The following METTL15 variants were observed in gnomAD, a reference collection of about 807,000 sequenced individuals.
The protein encoded by METTL15 is methyltransferase 15, mitochondrial 12S rRNA N4-cytidine.
A neutral mutation model predicts 38.3 loss-of-function variants in METTL15; 34 were observed. The observed-to-expected ratio is 0.89, with a 90% CI of 0.68 to 1.18. METTL15 has a LOEUF of 1.18. Ranked by LOEUF, METTL15 falls within the 50% of genes most tolerant of loss-of-function variation. The pLI, the probability that METTL15 is intolerant of heterozygous loss-of-function variation, is 0.00. For missense variants in METTL15, 438 were observed against 498.4 expected, an observed-to-expected ratio of 0.88 and a Z score of 1.15; for synonymous variants, 162 against 170.9, an observed-to-expected ratio of 0.95 and a Z score of 0.41.
chr11:28,415,098 A>G (rs189861043), intron 5 of METTL15, among the ~76,000 whole-genome samples: 21 of 152,362 alleles, frequency 1.4e-4, no homozygotes, highest in African/African-American at 4.6e-4. Context: ...TGGATGAAAT[A>G]TATGATTAAA....
At chr11:28,260,761 C>G (rs1322981884) in intron 4 of METTL15, among the ~76,000 whole-genome samples, 3 of 152,164 alleles carry the variant, frequency 2.0e-5, no homozygotes, top group African/African-American at 7.2e-5. Flanking sequence ...TATGAGAACA[C>G]ATATTATGCA....
chr11:28,362,041 C>T (rs2133368629), intron 5 of METTL15: 1 of 152,246 alleles, frequency 6.6e-6, no homozygotes, highest in South Asian at 2.1e-4. Context: ...ATGGAGGTAG[C>T]ATTTTCATTT....
chr11:28,179,597 G>A (rs995556387), intron 3 of METTL15, among the ~76,000 whole-genome samples: 2 of 151,734 alleles, frequency 1.3e-5, no homozygotes, highest in Admixed American at 1.3e-4. Flanking sequence ...GATGGGATTA[G>A]TAGTTCATTC....
chr11:28,286,903 A>ATG (rs1207639483), intron 4 of METTL15, among the ~76,000 whole-genome samples: 1 of 151,608 alleles, frequency 6.6e-6, no homozygotes, highest in African/African-American at 2.4e-5. Flanking sequence ...CTATATATAT[A>ATG]TGTGTGTGTG....
intron 5 of METTL15, among the ~76,000 whole-genome samples, chr11:28,389,798 A>C (rs1850482841): frequency 6.6e-6 from 1 of 151,558 alleles, no homozygotes; most frequent in Admixed American, 6.6e-5. Context: ...ATCCCTGAGG[A>C]ATCGCCACAC....
chr11:28,164,986 G>T (rs1479426742), intron 3 of METTL15, among the ~76,000 whole-genome samples: 1 of 151,958 alleles, frequency 6.6e-6, no homozygotes, highest in African/African-American at 2.4e-5. Flanking sequence ...TATCCTCCCA[G>T]GTTCATCCCA....
chr11:28,161,600 T>C lies in METTL15; in HGVS notation c.270+47996T>C, dbSNP rs1235987940. Among the ~76,000 whole-genome samples the C allele has an allele frequency of 2.0e-5, 3 of 152,152 alleles. No homozygotes were observed. The East Asian group carries it at 5.8e-4, about 29-fold the overall frequency. ...AACTATGAGAAGACAAATTATATCC[T>C]GTCAAATTGAAGAAAATGAGTTGGG... On this transcript the variant is annotated intron_variant, in intron 3 of 6. Transcript: ENST00000407364.
chr11:28,374,775 C>G (rs1013373374), intron 5 of METTL15, among the ~76,000 whole-genome samples: 2 of 150,976 alleles, frequency 1.3e-5, no homozygotes, highest in Non-Finnish European at 1.5e-5. Flanking sequence ...CAGTTTTTGC[C>G]CATTCAGTAT....
intron 3 of METTL15, among the ~76,000 whole-genome samples, chr11:28,155,095 G>A (rs1387425934): frequency 6.6e-6 from 1 of 152,120 alleles, no homozygotes; most frequent in Non-Finnish European, 1.5e-5. Context: ...GTGTTCTCTA[G>A]ATGTCTGCAG....
intron 6 of METTL15, among the ~76,000 whole-genome samples, chr11:28,494,564 T>G (rs1590393899): frequency 6.6e-6 from 1 of 152,082 alleles, no homozygotes; most frequent in East Asian, 1.9e-4. Flanking sequence ...CTCTCTGAGA[T>G]GGAGAATGAT....
In METTL15 at chr11:28,512,592, G is replaced by T. The variant is rs564556957; in HGVS notation, c.*425-13886G>T. 5.8e-4 allele frequency among the ~76,000 whole-genome samples: 89 copies of T among 152,318 alleles called. No individual in the cohort carries two copies. The Middle Eastern group carries it at 0.01, about 17-fold the overall frequency. Reference sequence around the variant, plus strand: ...TGGCCCGGGTGCTAAGCCCCTCATTGCCTGGGGCTGGCAGGGCTGGCCGGC... The same window carrying T: ...TGGCCCGGGTGCTAAGCCCCTCATTTCCTGGGGCTGGCAGGGCTGGCCGGC... On this transcript the variant is annotated intron_variant and NMD_transcript_variant, in intron 6 of 7. Coordinates refer to the METTL15 transcript ENST00000532947.
At chr11:28,421,676 TA>T (rs1261364832) in intron 5 of METTL15, among the ~76,000 whole-genome samples, 3 of 151,610 alleles carry the variant, frequency 2.0e-5, no homozygotes, top group Non-Finnish European at 4.4e-5. Flanking sequence ...ATAAAAACCC[TA>T]AAAAATGACA....
At chr11:28,336,469 T>G (rs926072955), downstream of METTL15, among the ~76,000 whole-genome samples, 13 of 152,280 alleles carry the variant, frequency 8.5e-5, 1 homozygote, top group Middle Eastern at 6.8e-3. Flanking sequence ...TTTCTAATTC[T>G]GCACTCTAAA....
intron 6 of METTL15, among the ~76,000 whole-genome samples, chr11:28,502,023 T>C (rs912077311): frequency 1.3e-5 from 2 of 149,114 alleles, no homozygotes; most frequent in Non-Finnish European, 3.0e-5. Flanking sequence ...ATGGCGTGAA[T>C]CCAGGAGGCG....
chr11:28,445,970 G>T (rs6484372), intron 6 of METTL15, among the ~76,000 whole-genome samples: 6 of 151,780 alleles, frequency 4.0e-5, no homozygotes, highest in African/African-American at 1.5e-4. Flanking sequence ...ATTTTATATT[G>T]TGTCCCTGAA....
intron 5 of METTL15, among the ~76,000 whole-genome samples, chr11:28,375,717 T>C (rs1208938752): frequency 6.6e-6 from 1 of 152,128 alleles, no homozygotes; most frequent in African/African-American, 2.4e-5. Context: ...AGCTTTTGAA[T>C]GTGTGTGCTC....
intron 3 of METTL15, among the ~76,000 whole-genome samples, chr11:28,119,619 A>G (rs1422612089): frequency 1.3e-5 from 2 of 152,202 alleles, no homozygotes. Flanking sequence ...GTTTTTACCT[A>G]TTTTAAGTTA....
intron 6 of METTL15, among the ~76,000 whole-genome samples, chr11:28,450,882 T>A (rs1001850557): frequency 6.6e-6 from 1 of 152,170 alleles, no homozygotes; most frequent in African/African-American, 2.4e-5. Context: ...CTATTCAGTA[T>A]TTTCATTATA....
At chr11:28,413,906 A>C (rs190860074) in intron 5 of METTL15, among the ~76,000 whole-genome samples, 1 of 152,148 alleles carries the variant, frequency 6.6e-6, no homozygotes, top group African/African-American at 2.4e-5. Flanking sequence ...TCTAGAATTT[A>C]TGTTCCGTAT....
Sources: allele counts gnomAD v4.1 joint callset (sites outside exome capture counted in the v4.1 genomes callset), GRCh38; gene constraint gnomAD v4.1.1; transcripts MANE v1.5; gene names NCBI Gene and HGNC (gene_info 2026-07-23, HGNC 2026-07-21).